Variants in CMIP observed in about 807,000 individuals in gnomAD.
The protein encoded by CMIP is c-Maf inducing protein, also known as C-Maf-inducing protein.
Under a neutral mutation model 97.3 loss-of-function variants are expected in CMIP, and 13 were observed. The observed-to-expected ratio is 0.13, with a 90% CI of 0.09 to 0.21. The LOEUF (loss-of-function observed/expected upper bound fraction) is 0.21. CMIP is among the 10% of genes least tolerant of loss of function. The pLI is 1.00. For missense variants in CMIP, 847 were observed against 1,024.9 expected (o/e 0.83, Z 2.37); for synonymous variants, 538 against 436.3 (o/e 1.23, Z -2.91).
At chr16:81,525,569 C>T (rs994906087) in intron 1 of CMIP, among the ~76,000 whole-genome samples, 1 of 152,108 alleles carries the variant, frequency 6.6e-6, no homozygotes, top group African/African-American at 2.4e-5. Flanking sequence ...CCAGGAACTC[C>T]TGGGCTCAAA....
intron 1 of CMIP, among the ~76,000 whole-genome samples, chr16:81,514,743 G>A (rs2089879651): frequency 6.6e-6 from 1 of 152,158 alleles, no homozygotes; most frequent in African/African-American, 2.4e-5. Flanking sequence ...CTCCTTATCT[G>A]TAAAGTGGAG....
intron 3 of CMIP, among the ~76,000 whole-genome samples, chr16:81,633,816 G>A (rs1418868125): frequency 6.6e-6 from 1 of 152,220 alleles, no homozygotes; most frequent in Non-Finnish European, 1.5e-5. Context: ...CTCTGTCCAG[G>A]AGTACAAGGA....
At chr16:81,650,909 G>A (rs762207083) in intron 3 of CMIP, among the ~76,000 whole-genome samples, 31 of 152,278 alleles carry the variant, frequency 2.0e-4, no homozygotes, top group African/African-American at 6.7e-4. Flanking sequence ...GTGCCTCACC[G>A]ACAGAAGTAA....
intron 3 of CMIP, among the ~76,000 whole-genome samples, chr16:81,638,534 A>G (rs555846418): frequency 1.8e-4 from 28 of 151,526 alleles, no homozygotes; most frequent in East Asian, 1.6e-3. Context: ...AGAGCATAAC[A>G]CGCCCGAGGC....
At chr16:81,516,108 C>A (rs778343928) in intron 1 of CMIP, among the ~76,000 whole-genome samples, 1 of 152,156 alleles carries the variant, frequency 6.6e-6, no homozygotes, top group Non-Finnish European at 1.5e-5. Context: ...GATCTCCTTC[C>A]TTGTGTACCC....
At chr16:81,707,541 G>C (rs1014513737) in intron 20 of CMIP, among the ~76,000 whole-genome samples, 3 of 152,240 alleles carry the variant, frequency 2.0e-5, no homozygotes, top group Admixed American at 2.0e-4. Context: ...TGCTCTGGCT[G>C]TTAGGAAATA....
intron 1 of CMIP, among the ~76,000 whole-genome samples, chr16:81,553,748 T>C (rs1172883644): frequency 6.6e-6 from 1 of 152,034 alleles, no homozygotes; most frequent in Non-Finnish European, 1.5e-5. Flanking sequence ...CCAAAAGCTA[T>C]AGGCAGCATG....
At chr16:81,542,238 G>A (rs951121854) in intron 1 of CMIP, among the ~76,000 whole-genome samples, 4 of 152,174 alleles carry the variant, frequency 2.6e-5, no homozygotes, top group African/African-American at 9.7e-5. Context: ...TCCTAGGCGG[G>A]GAGCTCTGTG....
At chr16:81,579,824 C>T (rs1356275833) in intron 1 of CMIP, among the ~76,000 whole-genome samples, 3 of 152,276 alleles carry the variant, frequency 2.0e-5, no homozygotes, top group South Asian at 2.1e-4. Flanking sequence ...GGCGTGGTGG[C>T]GGACGCCTGT....
chr16:81,662,876 C>A (rs893888432), intron 6 of CMIP, among the ~76,000 whole-genome samples: 2 of 152,166 alleles, frequency 1.3e-5, no homozygotes, highest in South Asian at 2.1e-4. Context: ...ATTTTCAACA[C>A]CCTGGTGGTC....
chr16:81,592,987 C>A (rs2091489046), intron 1 of CMIP, among the ~76,000 whole-genome samples: 1 of 152,238 alleles, frequency 6.6e-6, no homozygotes, highest in African/African-American at 2.4e-5. Flanking sequence ...AAGGGCTGCA[C>A]CCTGGGGACC....
chr16:81,516,946 C>G (rs1377951765), intron 1 of CMIP, among the ~76,000 whole-genome samples: 5 of 151,158 alleles, frequency 3.3e-5, no homozygotes, highest in South Asian at 4.2e-4. Context: ...CAGTGAAAAA[C>G]CAGATGGCCT....
chr16:81,574,825 G>T (rs1258878737), intron 1 of CMIP, among the ~76,000 whole-genome samples: 1 of 152,216 alleles, frequency 6.6e-6, no homozygotes, highest in Non-Finnish European at 1.5e-5. Flanking sequence ...TCAGCTGACT[G>T]TCAGAGCAGA....
intron 3 of CMIP, among the ~76,000 whole-genome samples, chr16:81,638,296 C>T (rs2092261986): frequency 6.6e-6 from 1 of 152,184 alleles, no homozygotes; most frequent in South Asian, 2.1e-4. Flanking sequence ...TGTGGACATA[C>T]CTTCTTTGGG....
chr16:81,512,198 A>G (rs1490285462), intron 1 of CMIP, among the ~76,000 whole-genome samples: 1 of 152,006 alleles, frequency 6.6e-6, no homozygotes, highest in Non-Finnish European at 1.5e-5. Flanking sequence ...TGATCTAGAG[A>G]TTTGGTTGAT....
At chr16:81,466,308 G>A (rs1172379288) in intron 1 of CMIP, among the ~76,000 whole-genome samples, 2 of 152,198 alleles carry the variant, frequency 1.3e-5, no homozygotes, top group African/African-American at 4.8e-5. Flanking sequence ...TGATCCTCCT[G>A]CCTTGGCCTC....
chr16:81,473,895 A>G (rs11150390), intron 1 of CMIP, among the ~76,000 whole-genome samples: 1 of 148,140 alleles, frequency 6.8e-6, no homozygotes, highest in Non-Finnish European at 1.5e-5. Flanking sequence ...AGTTCCGGAT[A>G]TCCATTTTCT....
intron 1 of CMIP, among the ~76,000 whole-genome samples, chr16:81,467,175 G>A (rs1209159919): frequency 2.0e-5 from 3 of 152,190 alleles, no homozygotes; most frequent in Non-Finnish European, 4.4e-5. Flanking sequence ...TGGGCTGGAC[G>A]TGGACCCATG....
At chr16:81,703,713 G>T (rs1038120998) in intron 17 of CMIP, 3 of 578,620 alleles carry the variant, frequency 5.2e-6, no homozygotes, top group East Asian at 6.1e-5. Flanking sequence ...TTTCTCCTCC[G>T]CCTGGCAGCT....
Sources: allele counts gnomAD v4.1 joint callset (sites outside exome capture counted in the v4.1 genomes callset), GRCh38; gene constraint gnomAD v4.1.1; transcripts MANE v1.5; gene names NCBI Gene and HGNC (gene_info 2026-07-23, HGNC 2026-07-21).